CNTLN: variants seen among roughly 807,000 people sequenced by gnomAD.
The protein encoded by CNTLN is centlein, centrosomal protein.
A neutral mutation model predicts 180.0 loss-of-function variants in CNTLN; 212 were observed. That is an observed-to-expected ratio of 1.18 (90% confidence interval 1.05 to 1.32). The LOEUF (loss-of-function observed/expected upper bound fraction) is 1.32. Among genes scored for constraint, CNTLN ranks in the 40% most tolerant of loss-of-function variants. The probability of loss-of-function intolerance (pLI) is 0.00; values close to 1 mark genes in which losing one functional copy is unlikely to be tolerated. For missense variants in CNTLN, 2,095 were observed against 1,610.9 expected (o/e 1.30, Z -5.14); for synonymous variants, 722 against 563.1 (o/e 1.28, Z -3.99).
intron 2 of CNTLN, among the ~76,000 whole-genome samples, chr9:17,181,140 C>G (rs1821099979): frequency 6.6e-6 from 1 of 152,072 alleles, no homozygotes; most frequent in South Asian, 2.1e-4. Context: ...TATTTATTGA[C>G]CTGCCTTCTT....
At chr9:17,307,522 G>A (rs370207175) in intron 7 of CNTLN, among the ~76,000 whole-genome samples, 5 of 152,082 alleles carry the variant, frequency 3.3e-5, no homozygotes, top group African/African-American at 4.8e-5. Flanking sequence ...TGCCCATCTC[G>A]GCCTCCCAAA....
intron 2 of CNTLN, among the ~76,000 whole-genome samples, chr9:17,152,072 T>A (rs1342336012): frequency 6.6e-6 from 1 of 152,210 alleles, no homozygotes; most frequent in Non-Finnish European, 1.5e-5. Flanking sequence ...TTAGTCTGGC[T>A]AGCAGTCTAT....
At chr9:17,319,682 C>A (rs1819773980) in intron 8 of CNTLN, among the ~76,000 whole-genome samples, 1 of 152,144 alleles carries the variant, frequency 6.6e-6, no homozygotes, top group East Asian at 1.9e-4. Flanking sequence ...GTACTTACCT[C>A]ATTAGAGTTT....
At chr9:17,472,988 C>T (rs1832113959) in intron 23 of CNTLN, among the ~76,000 whole-genome samples, 1 of 152,166 alleles carries the variant, frequency 6.6e-6, no homozygotes, top group Non-Finnish European at 1.5e-5. Flanking sequence ...ATCATCGTCA[C>T]TTTCTTGCAT....
intron 7 of CNTLN, among the ~76,000 whole-genome samples, chr9:17,302,900 C>T (rs185936250): frequency 3.9e-5 from 6 of 152,236 alleles, no homozygotes; most frequent in East Asian, 1.9e-4. Flanking sequence ...TTTCCATTTA[C>T]ACAAATTATT....
chr9:17,278,741 C>T (rs1325970225), intron 6 of CNTLN, among the ~76,000 whole-genome samples: 4 of 151,894 alleles, frequency 2.6e-5, no homozygotes, highest in African/African-American at 7.3e-5. Context: ...ACATGCAGTA[C>T]AGAAAAGTAC....
chr9:17,162,738 G>A (rs904429261), intron 2 of CNTLN, among the ~76,000 whole-genome samples: 19 of 152,172 alleles, frequency 1.2e-4, no homozygotes, highest in African/African-American at 4.6e-4. Flanking sequence ...GTGGGCAGGA[G>A]AGTGCACAGA....
intron 23 of CNTLN, among the ~76,000 whole-genome samples, chr9:17,473,276 C>A (rs976359190): frequency 6.6e-5 from 10 of 152,316 alleles, no homozygotes; most frequent in African/African-American, 9.6e-5. Flanking sequence ...CCTCCAGCAT[C>A]CTCTGCTTAG....
chr9:17,254,761 G>A (rs1489097450), intron 5 of CNTLN, among the ~76,000 whole-genome samples: 2 of 151,526 alleles, frequency 1.3e-5, no homozygotes, highest in Admixed American at 1.3e-4. Flanking sequence ...AATTGCTGTG[G>A]CTGTTTGGGG....
chr9:17,443,807 G>A (rs1018775024), intron 18 of CNTLN, among the ~76,000 whole-genome samples: 1 of 152,164 alleles, frequency 6.6e-6, no homozygotes, highest in Non-Finnish European at 1.5e-5. Context: ...GTTTGGGGGA[G>A]TTATCTGCTA....
At chr9:17,194,194 C>T (rs1821975436) in intron 2 of CNTLN, among the ~76,000 whole-genome samples, 2 of 152,230 alleles carry the variant, frequency 1.3e-5, no homozygotes, top group Non-Finnish European at 2.9e-5. Context: ...TCCCCATTGT[C>T]TTAGGGATTA....
At chr9:17,269,139 G>C (rs1444258022) in intron 5 of CNTLN, among the ~76,000 whole-genome samples, 1 of 151,882 alleles carries the variant, frequency 6.6e-6, no homozygotes, top group East Asian at 1.9e-4. Context: ...CTCATGCTGG[G>C]AACTGTAGAC....
intron 24 of CNTLN, among the ~76,000 whole-genome samples, chr9:17,486,219 C>T (rs956055427): frequency 1.3e-5 from 2 of 152,122 alleles, no homozygotes; most frequent in African/African-American, 4.8e-5. Flanking sequence ...TACACTATAT[C>T]GAACTGTAGT....
chr9:17,275,419 A>G (rs982358616), intron 6 of CNTLN, among the ~76,000 whole-genome samples: 3 of 152,098 alleles, frequency 2.0e-5, no homozygotes, highest in Non-Finnish European at 4.4e-5. Flanking sequence ...TTTTTCACTA[A>G]TTGATCAACT....
intron 7 of CNTLN, chr9:17,301,582 A>C (rs1182252004): frequency 9.1e-6 from 9 of 984,656 alleles, no homozygotes; most frequent in African/African-American, 7.0e-5. Context: ...ACTGATACTT[A>C]AGTTGATTCT....
intron 5 of CNTLN, among the ~76,000 whole-genome samples, chr9:17,272,725 A>G (rs1828037915): frequency 6.6e-6 from 1 of 152,158 alleles, no homozygotes; most frequent in South Asian, 2.1e-4. Flanking sequence ...TAAGAGTATG[A>G]GAGCCCTTCT....
At chr9:17,311,769 A>G (rs1432711580) in intron 8 of CNTLN, among the ~76,000 whole-genome samples, 1 of 152,116 alleles carries the variant, frequency 6.6e-6, no homozygotes, top group Non-Finnish European at 1.5e-5. Context: ...AGATTGCGCC[A>G]CTGCTCTCCA....
At chr9:17,261,013 A>G (rs1251583328) in intron 5 of CNTLN, among the ~76,000 whole-genome samples, 2 of 151,064 alleles carry the variant, frequency 1.3e-5, no homozygotes, top group Admixed American at 6.6e-5. Flanking sequence ...TGGGTTCTCT[A>G]TTCTGTTCCA....
chr9:17,350,962 A>C (rs1822312286), intron 12 of CNTLN, among the ~76,000 whole-genome samples: 1 of 152,198 alleles, frequency 6.6e-6, no homozygotes, highest in African/African-American at 2.4e-5. Flanking sequence ...AGCAATCAAT[A>C]TTTTAGACTA....
Sources: allele counts gnomAD v4.1 joint callset (sites outside exome capture counted in the v4.1 genomes callset), GRCh38; gene constraint gnomAD v4.1.1; transcripts MANE v1.5; gene names NCBI Gene and HGNC (gene_info 2026-07-23, HGNC 2026-07-21).